The following BCAS3 variants were observed in gnomAD, a reference collection of about 807,000 sequenced individuals.
The protein encoded by BCAS3 is BCAS3 microtubule associated cell migration factor.
BCAS3 carries 53 observed loss-of-function variants against 116.1 expected under a neutral mutation model. The observed-to-expected ratio is 0.46, with a 90% confidence interval of 0.37 to 0.57. The LOEUF is 0.57. Ranked by LOEUF, BCAS3 falls within the 20% of genes least tolerant of loss-of-function variation. The probability of loss-of-function intolerance (pLI) is 0.00; values close to 1 mark genes in which losing one functional copy is unlikely to be tolerated. For synonymous variants in BCAS3, 391 were observed against 408.2 expected (o/e 0.96, Z 0.51); for missense variants, 917 against 1,165.4 (o/e 0.79, Z 3.10).
At chr17:60,912,677 A>T (rs2058577725) in intron 12 of BCAS3, among the ~76,000 whole-genome samples, 1 of 152,148 alleles carries the variant, frequency 6.6e-6, no homozygotes, top group South Asian at 2.1e-4. Flanking sequence ...TGATGTGGAT[A>T]AACACAAATG....
At position 61,038,673 on chromosome 17, in the gene BCAS3, T is replaced by G. The variant is rs1161629985; in HGVS notation, c.1928+619T>G. Among the ~76,000 whole-genome samples the G allele has an allele frequency of 1.2e-4, 17 of 141,444 alleles. 1 individual carries two copies. Among genetic ancestry groups the G allele is most frequent in the Admixed American group, 8.4e-4 (12 of 14,356 alleles). 92.8% of individuals were successfully genotyped at this position (141,444 alleles called of 152,430 possible). ...TTTGTTTTGTTTTTGTTTTTGTTTTTTTTTTTTTTTTTTTGGAGACAGTCT... is the reference window on the plus strand; with the variant it reads ...TTTGTTTTGTTTTTGTTTTTGTTTTGTTTTTTTTTTTTTTGGAGACAGTCT... On this transcript the variant is annotated intron_variant, in intron 18 of 23. Transcript: ENST00000407086.
intron 4 of BCAS3, 66 bp downstream of exon 4, chr17:60,689,827 A>G: frequency 9.0e-7 from 1 of 1,113,140 alleles, no homozygotes; most frequent in South Asian, 1.3e-5. Context: ...GATTCCAAAA[A>G]GAGAGCCTCT....
At chr17:61,158,048 C>T (rs1037700507) in intron 22 of BCAS3, among the ~76,000 whole-genome samples, 1 of 151,946 alleles carries the variant, frequency 6.6e-6, no homozygotes, top group African/African-American at 2.4e-5. Context: ...ATATGCAACT[C>T]TTTTTTTTAT....
intron 22 of BCAS3, among the ~76,000 whole-genome samples, chr17:61,223,720 T>C (rs758648136): frequency 2.6e-5 from 4 of 152,208 alleles, no homozygotes; most frequent in Non-Finnish European, 5.9e-5. Context: ...AAACTAGCAA[T>C]TAGGATACAT....
rs2073920642 is a variant in BCAS3, at chr17:61,095,666, C to T, written c.2425+11102C>T. Among the ~76,000 whole-genome samples, 1 of 152,106 alleles carries T rather than the reference C, an allele frequency of 6.6e-6. No individual in the cohort carries two copies. Among genetic ancestry groups the T allele is most frequent in the Non-Finnish European group, 1.5e-5 (1 of 68,028 alleles). On this transcript the variant is annotated intron_variant, in intron 22 of 23. Transcript: ENST00000407086. The surrounding 1 kb of genome is among the most constrained non-coding windows in gnomAD (Gnocchi z 4.7). ...ATTTTTAGTAGAGACAAGGTTTCAC[C>T]ATGTTGGCCAGGCTGGTCTTGAACT...
intron 14 of BCAS3, among the ~76,000 whole-genome samples, chr17:60,955,304 T>G (rs974106502): frequency 6.6e-6 from 1 of 152,094 alleles, no homozygotes; most frequent in Non-Finnish European, 1.5e-5. Context: ...CAATAAATTT[T>G]CACCATCTAA....
chr17:61,001,038 G>A (rs968048880), intron 15 of BCAS3, among the ~76,000 whole-genome samples: 1 of 152,124 alleles, frequency 6.6e-6, no homozygotes, highest in African/African-American at 2.4e-5. Flanking sequence ...TTAACAAACA[G>A]ATCTTGGATT....
intron 22 of BCAS3, among the ~76,000 whole-genome samples, chr17:61,242,872 TTTA>T (rs1181223679): frequency 1.3e-5 from 2 of 151,784 alleles, no homozygotes; most frequent in African/African-American, 4.8e-5. Flanking sequence ...CCCAAAAAAC[TTTA>T]TTGAGATATG....
At chr17:61,287,257 A>G (rs1009987097) in intron 22 of BCAS3, among the ~76,000 whole-genome samples, 1 of 151,278 alleles carries the variant, frequency 6.6e-6, no homozygotes, top group Non-Finnish European at 1.5e-5. Flanking sequence ...AAAAAAAAAA[A>G]CTCTATGGAG....
chr17:60,862,648 G>A (rs2054254074), intron 7 of BCAS3, among the ~76,000 whole-genome samples: 1 of 152,064 alleles, frequency 6.6e-6, no homozygotes, highest in Non-Finnish European at 1.5e-5. Flanking sequence ...TGAGTCATAA[G>A]ATTTTCTTTT....
At chr17:60,940,346 A>C (rs1464964318) in intron 13 of BCAS3, among the ~76,000 whole-genome samples, 1 of 152,232 alleles carries the variant, frequency 6.6e-6, no homozygotes. Flanking sequence ...TAGGCTACTA[A>C]AGTGGAAGAA....
rs560046874 is a variant in BCAS3, at chr17:61,302,057, G to A, written c.2426-66270G>A. Among the ~76,000 whole-genome samples, 5 of 152,198 alleles carry A rather than the reference G, an allele frequency of 3.3e-5. No homozygotes were observed. Among genetic ancestry groups the A allele is most frequent in the Non-Finnish European group, 5.9e-5 (4 of 68,010 alleles). ...AGACCCAGTGGCTTGCTGAGGAAAGGCTAGTTCTGTCAGCTAGTCCTAAGA... is the reference window on the plus strand; with the variant it reads ...AGACCCAGTGGCTTGCTGAGGAAAGACTAGTTCTGTCAGCTAGTCCTAAGA... On this transcript the variant is annotated intron_variant, in intron 22 of 23. Coordinates refer to ENST00000407086, the MANE Select transcript of BCAS3 (RefSeq NM_017679.5). The surrounding 1 kb of genome is among the most constrained non-coding windows in gnomAD (Gnocchi z 4.4).
chr17:60,958,804 T>A (rs1290943091), intron 14 of BCAS3, among the ~76,000 whole-genome samples: 1 of 152,198 alleles, frequency 6.6e-6, no homozygotes, highest in African/African-American at 2.4e-5. Context: ...AAAACTACAA[T>A]AATCAGTAGG....
chr17:60,755,527 A>G (rs2042913100), intron 6 of BCAS3, among the ~76,000 whole-genome samples: 1 of 152,112 alleles, frequency 6.6e-6, no homozygotes, highest in South Asian at 2.1e-4. Context: ...CCCTGAAGAT[A>G]CTCTCTGTTA....
At chr17:60,838,327 TA>T (rs2051558681) in intron 7 of BCAS3, among the ~76,000 whole-genome samples, 1 of 152,160 alleles carries the variant, frequency 6.6e-6, no homozygotes, top group African/African-American at 2.4e-5. Flanking sequence ...GTACCAAGGA[TA>T]GTTGACTCAG....
rs371462175 is a variant in BCAS3 at position 60,706,017 on chromosome 17, C to A, written c.215-3202C>A. ...CCCCTGAGGGAGATGACCGACCCCT[C>A]CTGTTCTTCCTCTTCCTCAGCCTAC... On this transcript the variant is annotated intron_variant, in intron 4 of 23. Coordinates refer to ENST00000407086, the MANE Select transcript of BCAS3 (RefSeq NM_017679.5). Among the ~76,000 whole-genome samples, 11 of 152,264 alleles carry A rather than the reference C, an allele frequency of 7.2e-5. No individual in the cohort carries two copies. The South Asian group carries it at 8.3e-4, about 11-fold the overall frequency.
intron 6 of BCAS3, among the ~76,000 whole-genome samples, chr17:60,768,582 A>C (rs1650623267): frequency 6.6e-6 from 1 of 152,100 alleles, no homozygotes; most frequent in African/African-American, 2.4e-5. Flanking sequence ...GTGAGTTAAC[A>C]CTTAGTAAAC....
chr17:60,832,792 G>T (rs1247693823), intron 7 of BCAS3, among the ~76,000 whole-genome samples: 1 of 152,032 alleles, frequency 6.6e-6, no homozygotes, highest in African/African-American at 2.4e-5. Context: ...GGAAAAAGTG[G>T]GAATTTCCAG....
At chr17:60,841,865 T>C (rs2051963555) in intron 7 of BCAS3, among the ~76,000 whole-genome samples, 1 of 152,092 alleles carries the variant, frequency 6.6e-6, no homozygotes, top group South Asian at 2.1e-4. Context: ...CTTCCCCACA[T>C]GGCTGCTTAC....
Sources: allele counts gnomAD v4.1 joint callset (sites outside exome capture counted in the v4.1 genomes callset), GRCh38; gene constraint gnomAD v4.1.1; non-coding constraint Gnocchi (gnomAD v3.1); transcripts MANE v1.5; gene names NCBI Gene and HGNC (gene_info 2026-07-23, HGNC 2026-07-21).